The following CLVS1 variants were observed in gnomAD, a reference collection of about 807,000 sequenced individuals.
The protein encoded by CLVS1 is clavesin 1.
In CLVS1, 10 loss-of-function variants were observed where a neutral mutation model predicts 33.1. That is an observed-to-expected ratio of 0.30 (90% CI 0.19 to 0.51). The LOEUF (loss-of-function observed/expected upper bound fraction) is 0.51. Among genes scored for constraint, CLVS1 ranks in the 20% least tolerant of loss-of-function variants. The pLI is 0.97. For missense variants in CLVS1, 343 were observed against 433.4 expected, an observed-to-expected ratio of 0.79 and a Z score of 1.85; for synonymous variants, 163 against 166.1, an observed-to-expected ratio of 0.98 and a Z score of 0.14.
intron 2 of CLVS1, among the ~76,000 whole-genome samples, chr8:61,368,889 C>T (rs1365060138): frequency 6.6e-6 from 1 of 152,162 alleles, no homozygotes; most frequent in African/African-American, 2.4e-5. Context: ...CTTATGCTAA[C>T]ACAATTCCAA....
At chr8:60,966,354 G>A in the CLVS1 span, 1 of 455,740 alleles carries the variant, frequency 2.2e-6, no homozygotes, top group Non-Finnish European at 4.4e-6. Flanking sequence ...TCACGGAGAT[G>A]ACAAGAATCA....
At chr8:61,118,621 C>A (rs12235094) in intron 1 of CLVS1, among the ~76,000 whole-genome samples, 98,410 of 149,504 alleles carry the variant, frequency 0.66, 34,885 homozygotes, top group East Asian at 0.97. Flanking sequence ...GCCTTCATTT[C>A]GTTATGTACC....
chr8:61,197,027 C>T (rs1185255565), intron 2 of CLVS1, among the ~76,000 whole-genome samples: 1 of 152,176 alleles, frequency 6.6e-6, no homozygotes, highest in Admixed American at 6.5e-5. Context: ...CTCTAGCAAC[C>T]TTTCTCAATC....
the CLVS1 span, among the ~76,000 whole-genome samples, chr8:61,036,772 T>C: frequency 1.2e-4 from 18 of 152,358 alleles, no homozygotes; most frequent in Middle Eastern, 0.02. Context: ...TTGCTAACGT[T>C]TGCCATTAAG....
At chr8:61,420,013 C>T (rs904942648) in intron 3 of CLVS1, among the ~76,000 whole-genome samples, 33 of 152,178 alleles carry the variant, frequency 2.2e-4, no homozygotes, top group Non-Finnish European at 8.8e-5. Flanking sequence ...AAGTCTGGAA[C>T]CTTTAAAACT....
rs1217287345 is a variant in CLVS1, at chr8:61,468,735, A to AAAAAAAAG, written c.977+10197_977+10198insAAAGAAAA. Among the ~76,000 whole-genome samples, 471 of 138,706 alleles carry AAAAAAAAG rather than the reference A, an allele frequency of 3.4e-3. 8 individuals carry two copies. The highest frequency in any genetic ancestry group is 0.012 in the African/African-American group (405 of 32,642). The allele number at this position is 138,706 out of a possible 152,430, so 91.0% of individuals were successfully genotyped here. ...AAGTACTAAAAAAAAAAAAAAAAAA[A>AAAAAAAAG]AAAAGGTAGTTACTATGTGCTATTT... On this transcript the variant is annotated intron_variant, in intron 5 of 5. Coordinates refer to ENST00000325897, the MANE Select transcript of CLVS1 (RefSeq NM_173519.3).
intron 2 of CLVS1, among the ~76,000 whole-genome samples, chr8:61,156,196 CAG>C (rs1375323514): frequency 8.8e-6 from 1 of 113,302 alleles, no homozygotes; most frequent in East Asian, 2.4e-4. Context: ...GCCTGGGCTA[CAG>C]AGAGAGATTC....
At chr8:61,249,704 G>A (rs1345380843) in intron 2 of CLVS1, among the ~76,000 whole-genome samples, 12 of 152,148 alleles carry the variant, frequency 7.9e-5, no homozygotes. Flanking sequence ...TTTGTTGGCT[G>A]CATAAATGTC....
Position 61,175,517 on chromosome 8 carries a change from A to G in CLVS1, c.-152+43657A>G, listed in dbSNP as rs184850979. ...AATGGACTAAGATACCTTAAATGTG[A>G]CCTTATTTGGAAATAAGGTTTTGCA... On this transcript the variant is annotated intron_variant, in intron 2 of 2. Transcript: ENST00000522621. Among the ~76,000 whole-genome samples the G allele has an allele frequency of 3.7e-3, 563 of 152,298 alleles. 1 individual carries two copies. Among genetic ancestry groups the G allele is most frequent in the Admixed American group, 9.7e-3 (148 of 15,300 alleles).
chr8:61,253,470 C>A (rs1808997409), intron 2 of CLVS1, among the ~76,000 whole-genome samples: 1 of 152,188 alleles, frequency 6.6e-6, no homozygotes, highest in Admixed American at 6.5e-5. Flanking sequence ...GTTGGCCTGC[C>A]TTTCTAGATT....
At chr8:61,044,755 C>A in the CLVS1 span, among the ~76,000 whole-genome samples, 1 of 152,152 alleles carries the variant, frequency 6.6e-6, no homozygotes, top group African/African-American at 2.4e-5. Context: ...ACCAGTACTG[C>A]CTCTGGCCAT....
intron 2 of CLVS1, among the ~76,000 whole-genome samples, chr8:61,180,024 C>T (rs1401940235): frequency 6.6e-6 from 1 of 151,804 alleles, no homozygotes; most frequent in Non-Finnish European, 1.5e-5. Flanking sequence ...ACATGAGAAA[C>T]CCTCCAAAAA....
intron 2 of CLVS1, among the ~76,000 whole-genome samples, chr8:61,149,281 A>G (rs1182855551): frequency 6.6e-6 from 1 of 152,060 alleles, no homozygotes; most frequent in African/African-American, 2.4e-5. Flanking sequence ...GCCAGGCGCA[A>G]TGGCTCATGC....
chr8:61,204,114 A>G (rs1429806303), intron 2 of CLVS1, among the ~76,000 whole-genome samples: 2 of 152,226 alleles, frequency 1.3e-5, no homozygotes, highest in African/African-American at 4.8e-5. Flanking sequence ...GTTTCTTGGC[A>G]TCAAAACTGG....
chr8:61,160,996 C>A (rs192247313), intron 2 of CLVS1, among the ~76,000 whole-genome samples: 39 of 152,076 alleles, frequency 2.6e-4, no homozygotes, highest in Admixed American at 5.2e-4. Flanking sequence ...AAATAAATAA[C>A]CATATTAAAA....
the CLVS1 span, among the ~76,000 whole-genome samples, chr8:61,011,040 T>C: frequency 6.6e-6 from 1 of 152,362 alleles, no homozygotes; most frequent in East Asian, 1.9e-4. Flanking sequence ...GCCTGTCCCG[T>C]CACCGCTGTA....
chr8:61,332,622 G>C (rs1811641251), intron 2 of CLVS1, among the ~76,000 whole-genome samples: 5 of 152,078 alleles, frequency 3.3e-5, no homozygotes. Flanking sequence ...TTTAAATGAA[G>C]AGGAGATAAA....
intron 1 of CLVS1, among the ~76,000 whole-genome samples, chr8:61,112,209 C>T (rs2349690): frequency 0.14 from 19,703 of 145,680 alleles, 2,175 homozygotes; most frequent in Admixed American, 0.22. Flanking sequence ...CACACACACA[C>T]ACACACACAC....
At chr8:61,118,873 G>A (rs886711718) in intron 1 of CLVS1, among the ~76,000 whole-genome samples, 6 of 151,966 alleles carry the variant, frequency 3.9e-5, no homozygotes, top group East Asian at 1.9e-4. Context: ...AGAGTTCTGT[G>A]GATGTCTATT....
Sources: allele counts gnomAD v4.1 joint callset (sites outside exome capture counted in the v4.1 genomes callset), GRCh38; gene constraint gnomAD v4.1.1; transcripts MANE v1.5; gene names NCBI Gene and HGNC (gene_info 2026-07-23, HGNC 2026-07-21).